The following CASKIN1 variants were observed in gnomAD, a reference collection of about 807,000 sequenced individuals.
CASKIN1 encodes CASK interacting protein 1, also known as caskin-1.
In CASKIN1, 42 loss-of-function variants were observed where a neutral mutation model predicts 117.5. The observed-to-expected ratio is 0.36, with a 90% CI of 0.28 to 0.46. The LOEUF is 0.46. Among genes scored for constraint, CASKIN1 ranks in the 20% least tolerant of loss-of-function variants. The probability of loss-of-function intolerance (pLI) is 1.00; values close to 1 mark genes in which losing one functional copy is unlikely to be tolerated. For missense variants in CASKIN1, 2,083 were observed against 2,077.3 expected, an observed-to-expected ratio of 1.00 and a Z score of -0.05; for synonymous variants, 1,148 against 961.7, an observed-to-expected ratio of 1.19 and a Z score of -3.59.
intron 6 of CASKIN1, among the ~76,000 whole-genome samples, chr16:2,187,988 G>C (rs1378346248): frequency 7.1e-6 from 1 of 140,888 alleles, no homozygotes; most frequent in African/African-American, 2.6e-5. Context: ...GCCTCAAGCA[G>C]TCCTCCTGCC....
rs1024233517 is a variant in CASKIN1, at chr16:2,178,158, G to A, written c.*392C>T. ...TCTGGGGGTGCGGTGGGGCAGGGGG[G>A]CCCTGACCTTGGTCCCCTGTCCCTT... On this transcript the variant is annotated 3_prime_UTR_variant, in exon 20 of 20. Coordinates refer to ENST00000343516, the MANE Select transcript of CASKIN1 (RefSeq NM_020764.4). 5 of 487,542 alleles carry A rather than the reference G, an allele frequency of 1.0e-5. No homozygotes were observed. Among genetic ancestry groups the A allele is most frequent in the African/African-American group, 2.0e-5 (1 of 49,886 alleles). The allele number at this position is 487,542 out of a possible 1,614,324, so 30.2% of individuals were successfully genotyped here.
intron 5 of CASKIN1, 31 bp downstream of exon 5, chr16:2,189,207 C>G (rs751785177): frequency 6.2e-7 from 1 of 1,612,864 alleles, no homozygotes; most frequent in Non-Finnish European, 8.5e-7. Context: ...GCTCCCCAGC[C>G]CCACCCCACA....
In CASKIN1 at chr16:2,186,772, C is replaced by T. The variant is rs573154682; in HGVS notation, c.983G>A (p.Arg328Gln). Residue 328 changes from arginine (R) to glutamine (Q), a missense_variant, in exon 10 of 20, where the codon CGG becomes CAG. Physicochemically the swap from Arg to Gln is conservative, Grantham distance 43 (BLOSUM62 1). This residue lies in a region of CASKIN1 where 1,818 missense variants were observed against 1,688.9 expected (regional missense o/e 1.08). Coordinates refer to ENST00000343516, the MANE Select transcript of CASKIN1 (RefSeq NM_020764.4). ...GTAGCCCACCCGGTCATTGCCCGTCCGGTTGTCATGGATGCAGCCCTTCCA... is the reference window on the plus strand; with the variant it reads ...GTAGCCCACCCGGTCATTGCCCGTCTGGTTGTCATGGATGCAGCCCTTCCA... Reference protein sequence around the residue: ...GRWKGCIHDNRTGNDRVGYFP... With the variant: ...GRWKGCIHDNQTGNDRVGYFP... 27 of 1,613,038 alleles carry T rather than the reference C, an allele frequency of 1.7e-5. 2 individuals carry two copies. In the Middle Eastern group the frequency reaches 1.8e-3, roughly 108 times the overall value.
In CASKIN1 at chr16:2,189,131, A is replaced by G. The variant is rs1295859060; in HGVS notation, c.513T>C (p.Asn171=). 1.2e-6 allele frequency: 2 copies of G among 1,613,136 alleles called. No individual in the cohort carries two copies. Among genetic ancestry groups the G allele is most frequent in the Non-Finnish European group, 1.7e-6 (2 of 1,179,678 alleles). ...VGVVQLLLSS[N]MCAALLEPRP... ...GGGGCTCCAGCAGCGCCGCACACAT[A>G]TTGCTGCTGAGGAGCAGCTGGACCA... Residue 171 remains asparagine (N), a synonymous_variant, in exon 6 of 20, where the codon AAT becomes AAC. Coordinates refer to ENST00000343516, the MANE Select transcript of CASKIN1 (RefSeq NM_020764.4).
In CASKIN1 at chr16:2,196,395, G is replaced by C. The variant is rs1281721600; in HGVS notation, c.38C>G (p.Ala13Gly). 1 of 1,368,398 alleles carries C rather than the reference G, an allele frequency of 7.3e-7. No homozygotes were observed. The allele number at this position is 1,368,398 out of a possible 1,614,324, so 84.8% of individuals were successfully genotyped here. A position where few individuals can be genotyped will look rare whatever the true frequency, so the allele number is the denominator to read the frequency against. ...CCTCTGCGCGGTCCCTACGTCCTCCGCCTTCACCGCCTGCACCAGCTCCTG... is the reference window on the plus strand; with the variant it reads ...CCTCTGCGCGGTCCCTACGTCCTCCCCCTTCACCGCCTGCACCAGCTCCTG... Reference protein sequence around the residue: ...KEQELVQAVKAEDVGTAQRLL... With the variant: ...KEQELVQAVKGEDVGTAQRLL... The change falls in exon 1 of 20, where the codon GCG becomes GGG. Residue 13 changes from alanine to glycine, a missense_variant. Ala to Gly is a moderately conservative substitution (Grantham distance 60). This residue lies in a region of CASKIN1 where 62 missense variants were observed against 49.7 expected (regional missense o/e 1.25). Transcript: ENST00000343516. This position sits in a 1 kb window ranked among gnomAD's most constrained non-coding sequence, Gnocchi z 5.7.
intron 14 of CASKIN1, among the ~76,000 whole-genome samples, 188 bp downstream of exon 14, chr16:2,184,586 TGAC>T (rs1296865563): frequency 1.3e-5 from 2 of 151,914 alleles, no homozygotes; most frequent in African/African-American, 2.4e-5. Flanking sequence ...GCCTGCACAA[TGAC>T]GACACCCGTA....
At chr16:2,178,739 G>A (rs1325121059) in intron 19 of CASKIN1, 93 bp from the exon 20 acceptor site, 5 of 1,354,090 alleles carry the variant, frequency 3.7e-6, no homozygotes, top group Admixed American at 5.8e-5. Flanking sequence ...CATCTCCGTC[G>A]GCTTCCGCCT....
In CASKIN1 at chr16:2,179,826, G is replaced by T. The variant is rs770570855; in HGVS notation, c.3542C>A (p.Pro1181Gln). ...HNGTGTVRRR[P>Q]ASEQAGPPEL... Reference sequence around the variant, plus strand: ...CGGAGGCCCAGCCTGCTCCGAGGCCGGTCGGCGGCGCACGGTGCCAGTGCC... The same window carrying T: ...CGGAGGCCCAGCCTGCTCCGAGGCCTGTCGGCGGCGCACGGTGCCAGTGCC... The change falls in exon 18 of 20, where the codon CCG (proline) becomes CAG (glutamine). Residue 1181 changes from proline (P) to glutamine (Q), a missense_variant. By Grantham distance (76) the Pro-to-Gln change is moderately conservative (BLOSUM62 -1). Transcript: ENST00000343516. This position sits in a 1 kb window ranked among gnomAD's most constrained non-coding sequence, Gnocchi z 5.8. The T allele has an allele frequency of 4.4e-6, 7 of 1,595,118 alleles. No individual in the cohort carries two copies. Among genetic ancestry groups the T allele is most frequent in the Non-Finnish European group, 6.0e-6 (7 of 1,172,864 alleles).
Position 2,181,776 on chromosome 16 carries a change from G to C in CASKIN1, c.1768+15C>G, listed in dbSNP as rs890209753. 4 of 1,611,716 alleles carry C rather than the reference G, an allele frequency of 2.5e-6. No individual in the cohort carries two copies. In the Admixed American group the frequency reaches 6.7e-5, roughly 27 times the overall value. On this transcript the variant is annotated intron_variant, in intron 17 of 19. Transcript: ENST00000343516. ...AGGGTTGGGCTGGGGACGAGGGCTGGGGCTGGGGCCTCACCCAGCTTGGTG... is the reference window on the plus strand; with the variant it reads ...AGGGTTGGGCTGGGGACGAGGGCTGCGGCTGGGGCCTCACCCAGCTTGGTG...
At chr16:2,183,794 G>A (rs756029195) in intron 15 of CASKIN1, 37 bp downstream of exon 15, 4 of 1,611,346 alleles carry the variant, frequency 2.5e-6, no homozygotes, top group Non-Finnish European at 3.4e-6. Context: ...CCCATCTGTG[G>A]GACGCAGCTG....
At position 2,178,833 on chromosome 16, in the gene CASKIN1, TCTCTGCCG is replaced by T. The variant is rs1229871286; in HGVS notation, c.4199+61_4199+68del. The T allele has an allele frequency of 4.6e-6, 5 of 1,082,632 alleles. No homozygotes were observed. In the African/African-American group the frequency reaches 9.3e-5, roughly 20 times the overall value. 67.1% of individuals were successfully genotyped at this position (1,082,632 alleles called of 1,614,324 possible). On this transcript the variant is annotated intron_variant, in intron 19 of 19. Transcript: ENST00000343516. Reference sequence around the variant, plus strand: ...GCCCATCTCTGCCGAGCCCCGCCCATCTCTGCCGAGCCCCGCCCATCTCTGCCGAGCCC... The same window carrying T: ...GCCCATCTCTGCCGAGCCCCGCCCATAGCCCCGCCCATCTCTGCCGAGCCC...
At chr16:2,194,054 C>T (rs2093208554) in intron 1 of CASKIN1, among the ~76,000 whole-genome samples, 1 of 152,184 alleles carries the variant, frequency 6.6e-6, no homozygotes, top group Non-Finnish European at 1.5e-5. Flanking sequence ...AAAGGCCTTA[C>T]CCCCGACCAG....
chr16:2,182,258 G>A lies in CASKIN1; in HGVS notation c.1630-329C>T, dbSNP rs1035218192. ...CCATGGGGAGACACACCCGAGTCAT[G>A]GACACAGACGCATGGGGCCACACCT... On this transcript the variant is annotated intron_variant, in intron 16 of 19. Transcript: ENST00000343516. This position sits in a 1 kb window ranked among gnomAD's most constrained non-coding sequence, Gnocchi z 4.1. Among the ~76,000 whole-genome samples, 7 of 152,050 alleles carry A rather than the reference G, an allele frequency of 4.6e-5. No individual in the cohort carries two copies. The highest frequency in any genetic ancestry group is 1.0e-4 in the Non-Finnish European group (7 of 67,998).
At chr16:2,184,689 C>T in intron 14 of CASKIN1, 88 bp downstream of exon 14, 2 of 1,200,920 alleles carry the variant, frequency 1.7e-6, no homozygotes, top group African/African-American at 1.6e-5. Context: ...CGCTGCCAGG[C>T]CAGGCAGGCC....
intron 1 of CASKIN1, among the ~76,000 whole-genome samples, chr16:2,193,956 T>C (rs897747384): frequency 2.0e-5 from 3 of 152,132 alleles, no homozygotes; most frequent in African/African-American, 7.2e-5. Flanking sequence ...GAGCAGAGCA[T>C]GGCTGGAGGG....
rs1031792101 is a variant in CASKIN1, at chr16:2,178,955, C to T, written c.4146G>A (p.Ala1382=). ...TCTTCTCCTCCACCGCCTGCAGCGC[C>T]GCGGCCAGGCACGCGCTTGTCTCCT... ...KLEETSACLA[A]ALQAVEEKIR... is the part of the protein sequence containing the mutation. The change falls in exon 19 of 20, where the codon GCG becomes GCA. Residue 1382 remains alanine (A), a synonymous_variant. Coordinates refer to ENST00000343516, the MANE Select transcript of CASKIN1 (RefSeq NM_020764.4). 2.0e-6 allele frequency: 3 copies of T among 1,486,098 alleles called. No individual in the cohort carries two copies. Among genetic ancestry groups the T allele is most frequent in the Admixed American group, 2.3e-5 (1 of 43,666 alleles). 92.1% of individuals were successfully genotyped at this position (1,486,098 alleles called of 1,614,324 possible).
chr16:2,191,151 G>A (rs562095710), intron 1 of CASKIN1, among the ~76,000 whole-genome samples: 1 of 152,332 alleles, frequency 6.6e-6, no homozygotes, highest in South Asian at 2.1e-4. Flanking sequence ...CTGGGCCGTG[G>A]TTACATAACC....
Position 2,189,554 on chromosome 16 carries a change from C to T in CASKIN1, c.255G>A (p.Pro85=), listed in dbSNP as rs759710462. 8.7e-6 allele frequency: 14 copies of T among 1,604,624 alleles called. No homozygotes were observed. The highest frequency in any genetic ancestry group is 1.7e-4 in the Middle Eastern group (1 of 5,912). Residue 85 remains proline (P), a synonymous_variant, in exon 4 of 20, where the codon CCG becomes CCA. Transcript: ENST00000343516. The part of the protein sequence containing the change: ...VDIKDNKGMR[P]LHYAAWQGRK... ...GGCCCTGCCAGGCCGCATAGTGCAGCGGCCGCATGCCTGGGGGGCGAGGGG... is the reference window on the plus strand; with the variant it reads ...GGCCCTGCCAGGCCGCATAGTGCAGTGGCCGCATGCCTGGGGGGCGAGGGG...
Position 2,185,429 on chromosome 16 carries a change from C to G in CASKIN1, c.1049-21G>C, listed in dbSNP as rs537258290. On this transcript the variant is annotated intron_variant, in intron 10 of 19. Coordinates refer to ENST00000343516, the MANE Select transcript of CASKIN1 (RefSeq NM_020764.4). ...GGAACCTGTGGGTCAAGCAAAGCCTCCTAAGTCCTGGGCCAGCGATGGCGG... is the reference window on the plus strand; with the variant it reads ...GGAACCTGTGGGTCAAGCAAAGCCTGCTAAGTCCTGGGCCAGCGATGGCGG... The G allele has an allele frequency of 3.2e-6, 5 of 1,576,476 alleles. No individual in the cohort carries two copies. The African/African-American group carries it at 4.1e-5, about 13-fold the overall frequency.
Sources: allele counts gnomAD v4.1 joint callset (sites outside exome capture counted in the v4.1 genomes callset), GRCh38; gene constraint gnomAD v4.1.1; regional missense constraint gnomAD v4.1.1; non-coding constraint Gnocchi (gnomAD v3.1); transcripts MANE v1.5; gene names NCBI Gene and HGNC (gene_info 2026-07-23, HGNC 2026-07-21).